The following ZFPM2 variants were observed in gnomAD, a reference collection of about 807,000 sequenced individuals.
The protein encoded by ZFPM2 is zinc finger protein ZFPM2.
ZFPM2 carries 20 observed loss-of-function variants against 98.6 expected under a neutral mutation model. The ratio of observed to expected loss-of-function variants is 0.20; its 90% confidence interval spans 0.14 to 0.29. The LOEUF is 0.29. Among genes scored for constraint, ZFPM2 ranks in the 10% least tolerant of loss-of-function variants. The pLI is 1.00. For synonymous variants in ZFPM2, 518 were observed against 502.7 expected, an observed-to-expected ratio of 1.03 and a Z score of -0.41; for missense variants, 1,310 against 1,388.6, an observed-to-expected ratio of 0.94 and a Z score of 0.90.
At chr8:105,475,674 A>G (rs1812999673) in intron 3 of ZFPM2, among the ~76,000 whole-genome samples, 1 of 152,188 alleles carries the variant, frequency 6.6e-6, no homozygotes, top group South Asian at 2.1e-4. Flanking sequence ...TCATCTCTGG[A>G]AGTCTTTAGG....
intron 5 of ZFPM2, among the ~76,000 whole-genome samples, chr8:105,711,735 A>G (rs1033833980): frequency 1.1e-4 from 17 of 151,964 alleles, no homozygotes; most frequent in African/African-American, 3.6e-4. Context: ...CTTTCTTCCA[A>G]TGAAAATAGT....
At chr8:105,607,054 C>T (rs1338962194) in intron 4 of ZFPM2, among the ~76,000 whole-genome samples, 5 of 152,232 alleles carry the variant, frequency 3.3e-5, no homozygotes, top group Admixed American at 2.0e-4. Flanking sequence ...ACACAGATTT[C>T]GTGCCTTTGA....
At chr8:105,447,186 A>G (rs1812391516) in intron 3 of ZFPM2, among the ~76,000 whole-genome samples, 1 of 151,876 alleles carries the variant, frequency 6.6e-6, no homozygotes, top group Admixed American at 6.6e-5. Context: ...ATATACACCT[A>G]CTATATACCC....
At chr8:105,428,147 G>C (rs185327370) in intron 2 of ZFPM2, among the ~76,000 whole-genome samples, 1 of 152,212 alleles carries the variant, frequency 6.6e-6, no homozygotes, top group East Asian at 1.9e-4. Context: ...GTAGAAGGAG[G>C]GAGAGGAAAA....
At chr8:105,738,203 G>A (rs570903703) in intron 5 of ZFPM2, among the ~76,000 whole-genome samples, 2 of 152,036 alleles carry the variant, frequency 1.3e-5, no homozygotes, top group East Asian at 3.9e-4. Flanking sequence ...CTAAGTGTGT[G>A]TTGTTCCCCA....
intron 5 of ZFPM2, among the ~76,000 whole-genome samples, chr8:105,648,985 C>T (rs1817112710): frequency 6.6e-6 from 1 of 152,120 alleles, no homozygotes; most frequent in Non-Finnish European, 1.5e-5. Flanking sequence ...GCTATTTTCA[C>T]CATATTGATT....
At chr8:105,524,483 T>C (rs1219459458) in intron 3 of ZFPM2, among the ~76,000 whole-genome samples, 1 of 151,446 alleles carries the variant, frequency 6.6e-6, no homozygotes. Flanking sequence ...TGTGTGTGTG[T>C]GTTTCTCTCT....
chr8:105,579,002 G>A (rs1158285765), intron 4 of ZFPM2, among the ~76,000 whole-genome samples: 1 of 152,020 alleles, frequency 6.6e-6, no homozygotes, highest in Non-Finnish European at 1.5e-5. Context: ...TAAATCATAA[G>A]TAAACCTTCT....
At chr8:105,526,775 A>G (rs1465012049) in intron 3 of ZFPM2, among the ~76,000 whole-genome samples, 1 of 152,186 alleles carries the variant, frequency 6.6e-6, no homozygotes. Context: ...GATTAAGACC[A>G]AATTGTGTCA....
chr8:105,633,735 C>T (rs1247413274), intron 4 of ZFPM2, among the ~76,000 whole-genome samples: 4 of 152,114 alleles, frequency 2.6e-5, no homozygotes, highest in Non-Finnish European at 5.9e-5. Context: ...TACATATCCA[C>T]ACTTAGGGGG....
intron 4 of ZFPM2, among the ~76,000 whole-genome samples, chr8:105,573,478 C>A (rs1226441464): frequency 6.6e-6 from 1 of 152,136 alleles, no homozygotes; most frequent in Admixed American, 6.5e-5. Context: ...ATTCAGTGAA[C>A]TTGAATACAG....
intron 3 of ZFPM2, among the ~76,000 whole-genome samples, chr8:105,493,917 A>G (rs1813406358): frequency 6.6e-6 from 1 of 151,904 alleles, no homozygotes; most frequent in Non-Finnish European, 1.5e-5. Flanking sequence ...TGTCAAACTC[A>G]AGGACTACTT....
intron 2 of ZFPM2, among the ~76,000 whole-genome samples, chr8:105,433,745 C>T (rs1344132334): frequency 6.6e-6 from 1 of 152,104 alleles, no homozygotes; most frequent in Non-Finnish European, 1.5e-5. Flanking sequence ...CGAGATCACG[C>T]CACTGCACTC....
intron 4 of ZFPM2, among the ~76,000 whole-genome samples, chr8:105,627,998 G>GA (rs908286748): frequency 1.3e-5 from 2 of 152,186 alleles, no homozygotes; most frequent in African/African-American, 2.4e-5. Context: ...GAAATAGTGG[G>GA]ATTCAGTAAA....
At chr8:105,525,009 T>A (rs1288212305) in intron 3 of ZFPM2, among the ~76,000 whole-genome samples, 1 of 152,166 alleles carries the variant, frequency 6.6e-6, no homozygotes, top group Non-Finnish European at 1.5e-5. Flanking sequence ...TACTGTGACA[T>A]TTCTTCTTCC....
intron 4 of ZFPM2, among the ~76,000 whole-genome samples, chr8:105,601,457 CTTAG>C (rs1323601911): frequency 6.6e-6 from 1 of 152,002 alleles, no homozygotes; most frequent in Non-Finnish European, 1.5e-5. Flanking sequence ...GACAAAATTG[CTTAG>C]TTTATTTTAC....
At position 105,330,613 on chromosome 8, in the gene ZFPM2, C is replaced by CATAT. The variant is rs56037877; in HGVS notation, c.40+11648_40+11651dup. ...ATATATACATATATATATATATACACATATATATATATATATATACATATA... is the reference window on the plus strand; with the variant it reads ...ATATATACATATATATATATATACACATATATATATATATATATATATACATATA... On this transcript the variant is annotated intron_variant, in intron 1 of 7. Transcript: ENST00000407775. Among the ~76,000 whole-genome samples, 40 of 90,718 alleles carry CATAT rather than the reference C, an allele frequency of 4.4e-4. No individual in the cohort carries two copies. In the South Asian group the frequency reaches 5.0e-3, roughly 11 times the overall value. 59.5% of individuals were successfully genotyped at this position (90,718 alleles called of 152,430 possible). A position where few individuals can be genotyped will look rare whatever the true frequency, so the allele number is the denominator to read the frequency against.
chr8:105,747,450 T>C (rs1181831814), intron 5 of ZFPM2, among the ~76,000 whole-genome samples: 4 of 152,104 alleles, frequency 2.6e-5, no homozygotes, highest in African/African-American at 9.7e-5. Flanking sequence ...AGTTAAGTTT[T>C]ACCATTCATA....
intron 3 of ZFPM2, among the ~76,000 whole-genome samples, chr8:105,484,750 A>G (rs1206818649): frequency 6.6e-6 from 1 of 152,070 alleles, no homozygotes; most frequent in Non-Finnish European, 1.5e-5. Flanking sequence ...GAATTTGTGT[A>G]TTTATCTGTG....
Sources: gnomAD v4.1 joint callset for allele counts (sites outside exome capture counted in the v4.1 genomes callset) on GRCh38, gnomAD v4.1.1 for gene constraint, MANE v1.5 for transcripts, NCBI Gene and HGNC (gene_info 2026-07-23, HGNC 2026-07-21) for gene names.